The following NEGR1 variants were observed in gnomAD, a reference collection of about 807,000 sequenced individuals.
NEGR1 encodes the protein neuronal growth regulator 1.
NEGR1 carries 10 observed loss-of-function variants against 40.9 expected under a neutral mutation model. The observed-to-expected ratio is 0.24, with a 90% CI of 0.15 to 0.42. NEGR1 has a LOEUF of 0.42. Among genes scored for constraint, NEGR1 ranks in the 10% least tolerant of loss-of-function variants. The pLI is 1.00. For missense variants in NEGR1, 352 were observed against 438.9 expected (o/e 0.80, Z 1.77); for synonymous variants, 185 against 166.8 (o/e 1.11, Z -0.84).
Position 71,698,102 on chromosome 1 carries a change from A to G in NEGR1, c.573T>C (p.Tyr191=). The change falls in exon 4 of 7, where the codon TAT becomes TAC. Residue 191 remains tyrosine (Y), a synonymous_variant. Coordinates refer to ENST00000357731, the MANE Select transcript of NEGR1 (RefSeq NM_173808.3). ...CCCCAGCCTGGTCCCTTGTAATTCCATAAATGTCCAAATATTGTCCATTTT... is the reference window on the plus strand; with the variant it reads ...CCCCAGCCTGGTCCCTTGTAATTCCGTAAATGTCCAAATATTGTCCATTTT... The part of the protein sequence containing the change: ...PFENGQYLDI[Y]GITRDQAGEY... 1.2e-6 allele frequency: 2 copies of G among 1,611,010 alleles called. No homozygotes were observed. Among genetic ancestry groups the G allele is most frequent in the South Asian group, 1.1e-5 (1 of 90,972 alleles).
chr1:71,649,136 A>G (rs1168688387), intron 4 of NEGR1, among the ~76,000 whole-genome samples: 2 of 152,216 alleles, frequency 1.3e-5, no homozygotes, highest in African/African-American at 2.4e-5. Flanking sequence ...AGTAATGCCA[A>G]TTACAATAAG....
chr1:71,661,232 G>A (rs1251286033), intron 4 of NEGR1, among the ~76,000 whole-genome samples: 2 of 152,142 alleles, frequency 1.3e-5, no homozygotes, highest in African/African-American at 4.8e-5. Flanking sequence ...GGGATTGCTG[G>A]GTGAAATGGT....
At chr1:72,163,323 A>G (rs181709178) in intron 1 of NEGR1, among the ~76,000 whole-genome samples, 1 of 152,268 alleles carries the variant, frequency 6.6e-6, no homozygotes, top group Admixed American at 6.5e-5. Context: ...CTAACCTATG[A>G]CGTGAAGTTA....
chr1:71,509,620 T>TAC (rs1469196050), intron 6 of NEGR1, among the ~76,000 whole-genome samples: 2 of 152,134 alleles, frequency 1.3e-5, no homozygotes, highest in Non-Finnish European at 2.9e-5. Context: ...TACCCAAAAA[T>TAC]ACACATGGCC....
intron 2 of NEGR1, among the ~76,000 whole-genome samples, chr1:71,888,080 G>A (rs189174383): frequency 1.3e-5 from 2 of 151,526 alleles, no homozygotes; most frequent in East Asian, 3.9e-4. Flanking sequence ...GTGTCTGAAC[G>A]GCTCCATAAT....
chr1:72,161,676 C>CTTTTTT (rs779074685), intron 1 of NEGR1, among the ~76,000 whole-genome samples: 91 of 84,542 alleles, frequency 1.1e-3, no homozygotes, highest in African/African-American at 2.8e-3. Context: ...TTCTTTCTTT[C>CTTTTTT]TTTTTTTTTT....
intron 1 of NEGR1, among the ~76,000 whole-genome samples, chr1:72,067,362 T>C (rs999677352): frequency 6.6e-6 from 1 of 152,074 alleles, no homozygotes; most frequent in Admixed American, 6.6e-5. Context: ...AACTGAATTT[T>C]GATTTTATGT....
chr1:71,920,833 G>A (rs1204825594), intron 2 of NEGR1, among the ~76,000 whole-genome samples: 6 of 151,988 alleles, frequency 3.9e-5, no homozygotes, highest in African/African-American at 1.4e-4. Flanking sequence ...CAGCTCCCAG[G>A]GTAAATATAT....
At chr1:71,822,725 G>T (rs541201369) in intron 2 of NEGR1, among the ~76,000 whole-genome samples, 2 of 152,044 alleles carry the variant, frequency 1.3e-5, no homozygotes, top group East Asian at 3.9e-4. Flanking sequence ...CCTGCCATTT[G>T]GGCCTGCCTT....
rs559729201 is a variant in NEGR1 at position 71,664,018 on chromosome 1, A to C, written c.667+33990T>G. The stretch of plus-strand genomic sequence containing the variant: ...TACGTGCTGGGATCCTTAAATGTCA[A>C]AATAAGAGTTGGTTTTAGTTCAATG... On this transcript the variant is annotated intron_variant, in intron 4 of 6. Transcript: ENST00000357731. 2.8e-4 allele frequency among the ~76,000 whole-genome samples: 42 copies of C among 152,330 alleles called. No homozygotes were observed. The South Asian group carries it at 5.0e-3, about 18-fold the overall frequency.
intron 2 of NEGR1, among the ~76,000 whole-genome samples, chr1:71,786,995 G>A (rs1260562120): frequency 6.6e-6 from 1 of 152,178 alleles, no homozygotes; most frequent in Non-Finnish European, 1.5e-5. Flanking sequence ...CACCACATGC[G>A]GTCGCCACAT....
At chr1:71,736,687 T>A (rs1252421836) in intron 3 of NEGR1, among the ~76,000 whole-genome samples, 1 of 152,096 alleles carries the variant, frequency 6.6e-6, no homozygotes, top group East Asian at 1.9e-4. Context: ...TGGATCAGAG[T>A]TTTCCCAGGA....
chr1:71,752,203 G>A (rs1051980189), intron 3 of NEGR1, among the ~76,000 whole-genome samples: 4 of 152,106 alleles, frequency 2.6e-5, no homozygotes, highest in African/African-American at 9.7e-5. Context: ...TCTGTAAGGG[G>A]TCACTAAGCT....
chr1:72,232,167 G>A (rs1286471293), intron 1 of NEGR1, among the ~76,000 whole-genome samples: 2 of 151,748 alleles, frequency 1.3e-5, no homozygotes, highest in Admixed American at 6.6e-5. Flanking sequence ...CAGCTTGGCC[G>A]ATATGGTGAA....
chr1:71,454,891 AT>A (rs2101334459), intron 6 of NEGR1, among the ~76,000 whole-genome samples: 1 of 151,996 alleles, frequency 6.6e-6, no homozygotes, highest in South Asian at 2.1e-4. Flanking sequence ...TTAGGACACC[AT>A]TTTTTCCCAC....
At chr1:71,850,128 A>G (rs567838219) in intron 2 of NEGR1, among the ~76,000 whole-genome samples, 24 of 141,478 alleles carry the variant, frequency 1.7e-4, no homozygotes, top group African/African-American at 6.2e-4. Flanking sequence ...TTTATAATCT[A>G]CTGTCTTTTT....
chr1:71,871,347 TA>T (rs1660270510), intron 2 of NEGR1, among the ~76,000 whole-genome samples: 1 of 152,196 alleles, frequency 6.6e-6, no homozygotes, highest in African/African-American at 2.4e-5. Context: ...ATCGATAGAA[TA>T]GCATTTCTAG....
intron 6 of NEGR1, among the ~76,000 whole-genome samples, chr1:71,493,746 A>G (rs1462435700): frequency 5.3e-5 from 8 of 152,174 alleles, no homozygotes; most frequent in Non-Finnish European, 1.0e-4. Flanking sequence ...AACCAAATTC[A>G]AGTATCTTAA....
rs1358608836 is a variant in NEGR1, at chr1:72,154,977, ACT to A, written c.176+127340_176+127341del. On this transcript the variant is annotated intron_variant, in intron 1 of 6. Coordinates refer to ENST00000357731, the MANE Select transcript of NEGR1 (RefSeq NM_173808.3). ...ATACAATGATACATATTATAGAAAA[ACT>A]CTGCAAATTCTTGTCCCCTAGTGAA... Among the ~76,000 whole-genome samples, 9 of 151,958 alleles carry A rather than the reference ACT, an allele frequency of 5.9e-5. No individual in the cohort carries two copies. The South Asian group carries it at 1.7e-3, about 28-fold the overall frequency.
Sources: allele counts gnomAD v4.1 joint callset (sites outside exome capture counted in the v4.1 genomes callset), GRCh38; gene constraint gnomAD v4.1.1; transcripts MANE v1.5; gene names NCBI Gene and HGNC (gene_info 2026-07-23, HGNC 2026-07-21).